Variants in SPAG16 observed in about 807,000 individuals in gnomAD.
SPAG16 encodes sperm-associated antigen 16 protein.
A neutral mutation model predicts 80.4 loss-of-function variants in SPAG16; 86 were observed. The ratio of observed to expected loss-of-function variants is 1.07; its 90% CI spans 0.90 to 1.28. SPAG16 has a LOEUF of 1.28. SPAG16 is among the 50% of genes most tolerant of loss of function. The probability of loss-of-function intolerance (pLI) is 0.00; values close to 1 mark genes in which losing one functional copy is unlikely to be tolerated. For missense variants in SPAG16, 870 were observed against 765.3 expected (o/e 1.14, Z -1.61); for synonymous variants, 294 against 265.9 (o/e 1.11, Z -1.03).
rs1242949281 is a variant in SPAG16 at position 213,912,072 on chromosome 2, G to C, written c.1215-17888G>C. Among the ~76,000 whole-genome samples the C allele has an allele frequency of 1.3e-5, 2 of 152,034 alleles. 1 individual carries two copies. The highest frequency in any genetic ancestry group is 2.9e-5 in the Non-Finnish European group (2 of 67,988). On this transcript the variant is annotated intron_variant, in intron 11 of 15. Coordinates refer to ENST00000331683, the MANE Select transcript of SPAG16 (RefSeq NM_024532.5). ...GTTATTCTGTAAACTGTATTTTACT[G>C]ATAATTAAAAGTAATTTTAGTGAGA... is the stretch of plus-strand genomic sequence containing the variant.
At chr2:213,576,353 G>A (rs2060125056) in intron 10 of SPAG16, among the ~76,000 whole-genome samples, 1 of 152,104 alleles carries the variant, frequency 6.6e-6, no homozygotes, top group Admixed American at 6.6e-5. Context: ...AAGTCAGGTA[G>A]CGTGATGCCT....
chr2:214,172,102 A>G (rs1261480152), intron 15 of SPAG16, among the ~76,000 whole-genome samples: 2 of 150,792 alleles, frequency 1.3e-5, no homozygotes, highest in Non-Finnish European at 3.0e-5. Flanking sequence ...TTTAAATTTT[A>G]TTATTATTAT....
At chr2:213,829,244 G>A (rs1252253637) in intron 10 of SPAG16, among the ~76,000 whole-genome samples, 1 of 151,888 alleles carries the variant, frequency 6.6e-6, no homozygotes, top group Non-Finnish European at 1.5e-5. Flanking sequence ...TTTCTTTTGT[G>A]ACCCCAGAAA....
intron 10 of SPAG16, among the ~76,000 whole-genome samples, chr2:213,762,178 G>GCTT (rs1436317221): frequency 1.3e-4 from 20 of 152,268 alleles, no homozygotes; most frequent in African/African-American, 4.3e-4. Flanking sequence ...AAGCCAAAAG[G>GCTT]TAGACCAGTG....
chr2:214,194,934 T>A (rs2057781029), intron 15 of SPAG16, among the ~76,000 whole-genome samples: 1 of 152,066 alleles, frequency 6.6e-6, no homozygotes. Flanking sequence ...TGTTAAACTC[T>A]GGGGATTTGG....
chr2:213,440,583 C>A (rs1056165643), intron 9 of SPAG16, among the ~76,000 whole-genome samples: 21 of 151,674 alleles, frequency 1.4e-4, no homozygotes, highest in African/African-American at 4.8e-4. Context: ...ACAACAACAA[C>A]AAATAGTCAA....
chr2:213,458,432 C>T (rs1197323671), intron 9 of SPAG16, among the ~76,000 whole-genome samples: 8 of 151,678 alleles, frequency 5.3e-5, no homozygotes, highest in Admixed American at 2.0e-4. Flanking sequence ...AGTAGCTGGG[C>T]GTGGTGGTGA....
chr2:213,508,685 C>T (rs975874205), intron 10 of SPAG16, among the ~76,000 whole-genome samples: 1 of 152,136 alleles, frequency 6.6e-6, no homozygotes, highest in African/African-American at 2.4e-5. Context: ...CCGAACACCA[C>T]GTGTTCTCAC....
intron 12 of SPAG16, among the ~76,000 whole-genome samples, chr2:213,954,442 G>A (rs1018298439): frequency 6.6e-6 from 1 of 151,740 alleles, no homozygotes; most frequent in African/African-American, 2.4e-5. Flanking sequence ...CTACTTTTTG[G>A]TTATTATGAA....
chr2:213,750,784 T>G (rs1185097226), intron 10 of SPAG16, among the ~76,000 whole-genome samples: 1 of 152,238 alleles, frequency 6.6e-6, no homozygotes, highest in East Asian at 1.9e-4. Flanking sequence ...TTCTAAGGTT[T>G]TTCTGCTGGC....
chr2:213,439,350 T>C (rs1173934838), intron 9 of SPAG16, among the ~76,000 whole-genome samples: 1 of 152,196 alleles, frequency 6.6e-6, no homozygotes, highest in Non-Finnish European at 1.5e-5. Context: ...ATAAAGAATA[T>C]CTAAATTGCC....
chr2:213,691,832 G>A (rs1488315547), intron 10 of SPAG16, among the ~76,000 whole-genome samples: 2 of 152,194 alleles, frequency 1.3e-5, no homozygotes, highest in South Asian at 4.1e-4. Context: ...TGTGCTCTCT[G>A]ATATATCTCA....
At chr2:214,035,904 C>T (rs2048671854) in intron 13 of SPAG16, among the ~76,000 whole-genome samples, 1 of 152,186 alleles carries the variant, frequency 6.6e-6, no homozygotes, top group South Asian at 2.1e-4. Flanking sequence ...CCATGGAGTG[C>T]ACAGCCCTGG....
intron 9 of SPAG16, among the ~76,000 whole-genome samples, chr2:213,432,068 C>T (rs769259451): frequency 6.6e-5 from 10 of 152,080 alleles, no homozygotes; most frequent in South Asian, 2.1e-4. Context: ...CACAACATAT[C>T]AAAACCTTTG....
chr2:213,890,847 G>A (rs2076759290), intron 11 of SPAG16, among the ~76,000 whole-genome samples: 1 of 151,934 alleles, frequency 6.6e-6, no homozygotes, highest in African/African-American at 2.4e-5. Context: ...ATGTGTTAAA[G>A]TTTGGCATTT....
intron 15 of SPAG16, among the ~76,000 whole-genome samples, chr2:214,375,043 A>C (rs1374045951): frequency 1.3e-5 from 2 of 152,102 alleles, no homozygotes; most frequent in Non-Finnish European, 2.9e-5. Context: ...TAAAAGTTTG[A>C]ATTTGGGTCT....
At chr2:213,456,938 T>C (rs2072054318) in intron 9 of SPAG16, among the ~76,000 whole-genome samples, 1 of 152,200 alleles carries the variant, frequency 6.6e-6, no homozygotes, top group Admixed American at 6.5e-5. Flanking sequence ...TTGTATCTTA[T>C]AACAAAGCTG....
At chr2:213,971,816 A>C (rs1017931672) in intron 12 of SPAG16, among the ~76,000 whole-genome samples, 1 of 151,870 alleles carries the variant, frequency 6.6e-6, no homozygotes, top group Non-Finnish European at 1.5e-5. Context: ...GCCAGCAATA[A>C]ATGAGGATTC....
intron 15 of SPAG16, among the ~76,000 whole-genome samples, chr2:214,320,077 G>C (rs1695992998): frequency 6.6e-6 from 1 of 152,018 alleles, no homozygotes; most frequent in Non-Finnish European, 1.5e-5. Context: ...AGACTCCTCT[G>C]TGTTCTAGCC....
Sources: gnomAD v4.1 joint callset for allele counts (sites outside exome capture counted in the v4.1 genomes callset) on GRCh38, gnomAD v4.1.1 for gene constraint, MANE v1.5 for transcripts, NCBI Gene and HGNC (gene_info 2026-07-23, HGNC 2026-07-21) for gene names.